TRPM1: variants seen among roughly 807,000 people sequenced by gnomAD.
TRPM1 encodes the protein transient receptor potential cation channel subfamily M member 1.
TRPM1 carries 113 observed loss-of-function variants against 149.4 expected under a neutral mutation model. That is an observed-to-expected ratio of 0.76 (90% CI 0.65 to 0.88). The LOEUF is 0.88. TRPM1 is among the 40% of genes least tolerant of loss of function. The pLI is 0.00. For synonymous variants in TRPM1, 741 were observed against 759.5 expected (o/e 0.98, Z 0.40); for missense variants, 1,976 against 2,038.7 (o/e 0.97, Z 0.59).
intron 1 of TRPM1, among the ~76,000 whole-genome samples, chr15:31,092,349 T>G (rs1410680742): frequency 4.0e-5 from 6 of 151,872 alleles, no homozygotes; most frequent in African/African-American, 1.2e-4. Flanking sequence ...ACGAAGAAAC[T>G]GGGGCTGTGG....
chr15:31,046,310 G>A lies in TRPM1; in HGVS notation c.1765-77C>T, dbSNP rs2033762433. 12 of 1,376,662 alleles carry A rather than the reference G, an allele frequency of 8.7e-6. No individual in the cohort carries two copies. In the African/African-American group the frequency reaches 1.8e-4, roughly 21 times the overall value. The allele number at this position is 1,376,662 out of a possible 1,614,324, so 85.3% of individuals were successfully genotyped here. Reference sequence around the variant, plus strand: ...TTAGTAGTACATTAGCAGTATTGTTGATAGTGGACATACGAATGGATTAAA... The same window carrying A: ...TTAGTAGTACATTAGCAGTATTGTTAATAGTGGACATACGAATGGATTAAA... On this transcript the variant is annotated intron_variant, in intron 15 of 27. Transcript: ENST00000256552.
At chr15:31,021,940 C>T (rs1244240151) in intron 27 of TRPM1, among the ~76,000 whole-genome samples, 2 of 151,578 alleles carry the variant, frequency 1.3e-5, no homozygotes, top group East Asian at 1.9e-4. Context: ...TGGAGGTAGA[C>T]GATATAAAAA....
At chr15:31,077,809 CAT>C (rs1491451917) in intron 2 of TRPM1, among the ~76,000 whole-genome samples, 4 of 151,368 alleles carry the variant, frequency 2.6e-5, no homozygotes, top group Non-Finnish European at 4.4e-5. Flanking sequence ...TGTCGTGATG[CAT>C]GTGTGTGTGT....
chr15:31,134,357 T>G (rs73377615), intron 1 of TRPM1, among the ~76,000 whole-genome samples: 3,707 of 152,076 alleles, frequency 0.024, 121 homozygotes, highest in African/African-American at 0.084. Context: ...TGGCATAAGG[T>G]TTATTTTGAG....
At chr15:31,019,868 C>G (rs879930375) in intron 27 of TRPM1, among the ~76,000 whole-genome samples, 1 of 151,856 alleles carries the variant, frequency 6.6e-6, no homozygotes, top group Non-Finnish European at 1.5e-5. Context: ...GGGGTTGCAC[C>G]ATGTTGACCA....
intron 21 of TRPM1, among the ~76,000 whole-genome samples, chr15:31,034,363 A>T (rs2033246068): frequency 6.6e-6 from 1 of 152,190 alleles, no homozygotes; most frequent in Non-Finnish European, 1.5e-5. Context: ...GGCCCCTCCC[A>T]TATCCCCTGG....
At chr15:31,150,478 C>T (rs2036285545) in intron 1 of TRPM1, among the ~76,000 whole-genome samples, 1 of 149,324 alleles carries the variant, frequency 6.7e-6, no homozygotes, top group Non-Finnish European at 1.5e-5. Flanking sequence ...GCTCTGTCAC[C>T]CAGGCTGGCG....
intron 1 of TRPM1, among the ~76,000 whole-genome samples, chr15:31,138,805 T>A (rs1335475447): frequency 6.6e-6 from 1 of 152,284 alleles, no homozygotes; most frequent in Non-Finnish European, 1.5e-5. Context: ...TTAAAAAAAA[T>A]TCTTTGTAAA....
intron 27 of TRPM1, among the ~76,000 whole-genome samples, chr15:31,015,856 C>A (rs558370183): frequency 6.6e-6 from 1 of 152,286 alleles, no homozygotes; most frequent in South Asian, 2.1e-4. Flanking sequence ...TCTTGAGAAT[C>A]TGCCCTCATC....
chr15:31,094,872 G>A (rs1046863373), intron 1 of TRPM1, among the ~76,000 whole-genome samples: 4 of 152,148 alleles, frequency 2.6e-5, no homozygotes, highest in Admixed American at 6.5e-5. Context: ...TTACTGCTAG[G>A]TATATACCCA....
chr15:31,080,378 A>C (rs562954379), intron 2 of TRPM1, among the ~76,000 whole-genome samples: 1 of 152,244 alleles, frequency 6.6e-6, no homozygotes, highest in Non-Finnish European at 1.5e-5. Context: ...GTCATGGAAC[A>C]AATATTTATT....
intron 16 of TRPM1, 100 bp from the exon 17 acceptor site, chr15:31,042,343 T>G: frequency 2.4e-6 from 3 of 1,240,346 alleles, no homozygotes; most frequent in Non-Finnish European, 3.4e-6. Flanking sequence ...TCAGAGGTAA[T>G]AAAGAGACTT....
intron 1 of TRPM1, among the ~76,000 whole-genome samples, chr15:31,140,307 A>T (rs2036144425): frequency 1.3e-5 from 2 of 151,806 alleles, no homozygotes; most frequent in Admixed American, 1.3e-4. Context: ...TGAACCCAGG[A>T]GGCGGAGCTT....
rs755999000 is a variant in TRPM1 at position 31,003,042 on chromosome 15, C to A, written c.3658G>T (p.Glu1220Ter). 6 of 1,604,862 alleles carry A rather than the reference C, an allele frequency of 3.7e-6. No homozygotes were observed. Among genetic ancestry groups the A allele is most frequent in the Non-Finnish European group, 4.2e-6 (5 of 1,177,496 alleles). Reference sequence around the variant, plus strand: ...ATAAAAGTTTCTCTTTCATTGATTTCTTCCAACCTCATTGACATATTTTCA... The same window carrying A: ...ATAAAAGTTTCTCTTTCATTGATTTATTCCAACCTCATTGACATATTTTCA... ...RVENMSMRLE[E>*]INERETFMKT... is the part of the protein sequence containing the mutation. The change falls in exon 28 of 28, where the codon GAA becomes TAA. Residue 1220 changes from glutamate to a stop codon, truncating the protein, a stop_gained. Coordinates refer to ENST00000256552, the MANE Select transcript of TRPM1 (RefSeq NM_001252024.2). LOFTEE classifies it low-confidence loss of function (END_TRUNC).
chr15:31,002,795 T>C lies in TRPM1; in HGVS notation c.3905A>G (p.Glu1302Gly). Residue 1302 changes from glutamate (E) to glycine (G), a missense_variant, in exon 28 of 28, where the codon GAA becomes GGA. Transcript: ENST00000256552. ...YSLYRYHFNG[E>G]ELLFEDTSLS... ...AGATGTATCCTCAAATAATAACTCT[T>C]CTCCGTTAAAATGATATCGATACAA... is the stretch of plus-strand genomic sequence containing the variant. The C allele has an allele frequency of 6.2e-6, 10 of 1,614,170 alleles. No individual in the cohort carries two copies. Among genetic ancestry groups the C allele is most frequent in the Non-Finnish European group, 8.5e-6 (10 of 1,180,034 alleles).
chr15:31,072,016 T>TAGAGAGAGAGAGAG (rs1443932287), intron 3 of TRPM1, among the ~76,000 whole-genome samples: 1 of 30,678 alleles, frequency 3.3e-5, no homozygotes, highest in African/African-American at 1.2e-4. Context: ...TATATATATA[T>TAGAGAGAGAGAGAG]ATAGAGAGAG....
intron 1 of TRPM1, among the ~76,000 whole-genome samples, chr15:31,130,711 C>T (rs1353850201): frequency 3.3e-5 from 5 of 152,212 alleles, no homozygotes; most frequent in Non-Finnish European, 1.5e-5. Flanking sequence ...GTCTTGTGGC[C>T]CCCACCCAGG....
At chr15:31,025,692 A>T (rs1260992137) in intron 27 of TRPM1, among the ~76,000 whole-genome samples, 1 of 144,692 alleles carries the variant, frequency 6.9e-6, no homozygotes. Context: ...CCCAGGAGGG[A>T]GCCTTTTCCT....
chr15:31,069,939 AG>A, intron 4 of TRPM1, 91 bp downstream of exon 4: 1 of 1,612,392 alleles, frequency 6.2e-7, no homozygotes. Context: ...ACAGCCATGA[AG>A]AAGACCAGGT....
Sources: gnomAD v4.1 joint callset for allele counts (sites outside exome capture counted in the v4.1 genomes callset) on GRCh38, gnomAD v4.1.1 for gene constraint, MANE v1.5 for transcripts, NCBI Gene and HGNC (gene_info 2026-07-23, HGNC 2026-07-21) for gene names.